The following PPFIA2 variants were observed in gnomAD, a reference collection of about 807,000 sequenced individuals.
The protein encoded by PPFIA2 is liprin-alpha-2.
A neutral mutation model predicts 175.5 loss-of-function variants in PPFIA2; 46 were observed. That is an observed-to-expected ratio of 0.26 (90% CI 0.21 to 0.34). The LOEUF (loss-of-function observed/expected upper bound fraction) is 0.34, where lower values mean the gene tolerates loss of function less well. Ranked by LOEUF, PPFIA2 falls within the 10% of genes least tolerant of loss-of-function variation. PPFIA2 has a pLI of 1.00. For missense variants in PPFIA2, 1,179 were observed against 1,506.1 expected (o/e 0.78, Z 3.60); for synonymous variants, 568 against 511.4 (o/e 1.11, Z -1.49).
chr12:81,639,110 A>G (rs1790507040), intron 4 of PPFIA2, among the ~76,000 whole-genome samples: 1 of 152,096 alleles, frequency 6.6e-6, no homozygotes. Context: ...TATTAAGGGA[A>G]TTGTCCAAAG....
intron 4 of PPFIA2, chr12:81,472,529 C>T (rs1338505476): frequency 6.6e-6 from 1 of 152,094 alleles, no homozygotes. Flanking sequence ...GTTTAGCAAC[C>T]ACTCAAGGAA....
rs1461685662 is a variant in PPFIA2, at chr12:81,258,589, T to C, written c.*1105A>G. 6.6e-6 allele frequency: 1 copy of C among 152,174 alleles called. No individual in the cohort carries two copies. The highest frequency in any genetic ancestry group is 1.5e-5 in the Non-Finnish European group (1 of 68,030). 9.4% of individuals were successfully genotyped at this position (152,174 alleles called of 1,614,324 possible). A position where few individuals can be genotyped will look rare whatever the true frequency, so the allele number is the denominator to read the frequency against. ...CTTCTATACTTTTATACACTATATA[T>C]GTTAATCATTCTGTCTTTCATTTAT... On this transcript the variant is annotated 3_prime_UTR_variant, in exon 33 of 33. Transcript: ENST00000549396.
intron 13 of PPFIA2, chr12:81,368,265 TC>T (rs1203169887): frequency 2.6e-6 from 2 of 768,346 alleles, no homozygotes; most frequent in Non-Finnish European, 3.9e-6. Flanking sequence ...TCCTAAACCC[TC>T]TACTGGGATT....
chr12:81,459,190 T>C (rs1215061765), intron 4 of PPFIA2, among the ~76,000 whole-genome samples: 1 of 152,120 alleles, frequency 6.6e-6, no homozygotes, highest in African/African-American at 2.4e-5. Flanking sequence ...GGATAAATGT[T>C]TTCTTCCCTG....
chr12:81,550,224 T>C (rs764965077), intron 4 of PPFIA2, among the ~76,000 whole-genome samples: 1 of 151,908 alleles, frequency 6.6e-6, no homozygotes, highest in Admixed American at 6.6e-5. Flanking sequence ...AATAGAGTTG[T>C]ATGGGTTTAA....
chr12:81,648,363 A>T (rs1419522635), intron 4 of PPFIA2, among the ~76,000 whole-genome samples: 1 of 152,064 alleles, frequency 6.6e-6, no homozygotes, highest in Non-Finnish European at 1.5e-5. Flanking sequence ...AAAAAAAGCT[A>T]TTAGAACTAA....
chr12:81,352,068 G>A (rs2060110595), intron 17 of PPFIA2, among the ~76,000 whole-genome samples: 1 of 151,928 alleles, frequency 6.6e-6, no homozygotes, highest in Non-Finnish European at 1.5e-5. Flanking sequence ...CCTGCTTTCT[G>A]CATTTGCTTT....
intron 4 of PPFIA2, among the ~76,000 whole-genome samples, chr12:81,648,790 C>T (rs1321750133): frequency 6.6e-6 from 1 of 151,690 alleles, no homozygotes; most frequent in Non-Finnish European, 1.5e-5. Context: ...AAAAGATAGA[C>T]TTACAGATCA....
At chr12:81,290,344 A>C (rs945955759) in intron 24 of PPFIA2, among the ~76,000 whole-genome samples, 36 of 151,898 alleles carry the variant, frequency 2.4e-4, no homozygotes, top group African/African-American at 8.4e-4. Context: ...GGATTCATTA[A>C]TAGTGATTTA....
At chr12:81,688,802 A>AAAATAT (rs1555605810) in intron 3 of PPFIA2, among the ~76,000 whole-genome samples, 2 of 140,772 alleles carry the variant, frequency 1.4e-5, no homozygotes, top group East Asian at 2.1e-4. Flanking sequence ...TGGTTTATTA[A>AAAATAT]ATATATATAT....
chr12:81,657,993 G>A (rs1299644113), intron 4 of PPFIA2, among the ~76,000 whole-genome samples: 1 of 152,072 alleles, frequency 6.6e-6, no homozygotes, highest in Non-Finnish European at 1.5e-5. Context: ...TTGCTGGCTG[G>A]GTGTGGTGGC....
chr12:81,339,586 T>G (rs993865075), intron 20 of PPFIA2, among the ~76,000 whole-genome samples: 4 of 152,056 alleles, frequency 2.6e-5, no homozygotes, highest in African/African-American at 9.7e-5. Context: ...TTTGGTATAA[T>G]CTCAAACTAA....
At chr12:81,603,964 C>T (rs996178276) in intron 4 of PPFIA2, among the ~76,000 whole-genome samples, 6 of 151,342 alleles carry the variant, frequency 4.0e-5, no homozygotes, top group Admixed American at 1.3e-4. Flanking sequence ...TTAAATTTGC[C>T]TGGTATTGTT....
At chr12:81,464,273 T>C (rs1333224006) in intron 4 of PPFIA2, among the ~76,000 whole-genome samples, 7 of 152,158 alleles carry the variant, frequency 4.6e-5, no homozygotes, top group Admixed American at 1.3e-4. Flanking sequence ...GGGTACATTG[T>C]TATGAACTTT....
At chr12:81,509,678 G>C (rs868838207) in intron 4 of PPFIA2, among the ~76,000 whole-genome samples, 3 of 150,784 alleles carry the variant, frequency 2.0e-5, no homozygotes, top group Non-Finnish European at 4.4e-5. Context: ...CCATCTCAAA[G>C]TTGTGGATCA....
intron 3 of PPFIA2, among the ~76,000 whole-genome samples, chr12:81,744,034 A>G (rs143719082): frequency 6.6e-6 from 1 of 152,342 alleles, no homozygotes; most frequent in East Asian, 1.9e-4. Flanking sequence ...TAGAGAGACT[A>G]TAATTCTTTT....
chr12:81,382,457 C>T (rs77681911), intron 9 of PPFIA2, among the ~76,000 whole-genome samples: 7,559 of 152,126 alleles, frequency 0.05, 259 homozygotes, highest in South Asian at 0.096. Context: ...GTGAGCTGAA[C>T]GCATGAGCAG....
chr12:81,569,603 ATAT>A (rs1207530431), intron 4 of PPFIA2, among the ~76,000 whole-genome samples: 1 of 152,174 alleles, frequency 6.6e-6, no homozygotes, highest in Non-Finnish European at 1.5e-5. Flanking sequence ...CTGTAGAGGA[ATAT>A]TGTGTCCTAT....
At chr12:81,436,568 G>A (rs1009530652) in intron 7 of PPFIA2, among the ~76,000 whole-genome samples, 11 of 151,948 alleles carry the variant, frequency 7.2e-5, no homozygotes, top group African/African-American at 2.2e-4. Flanking sequence ...TATTTTATCA[G>A]GTTTCTAAAT....
Sources: gnomAD v4.1 joint callset for allele counts (sites outside exome capture counted in the v4.1 genomes callset) on GRCh38, gnomAD v4.1.1 for gene constraint, MANE v1.5 for transcripts, NCBI Gene and HGNC (gene_info 2026-07-23, HGNC 2026-07-21) for gene names.